GRM3: variants seen among roughly 807,000 people sequenced by gnomAD.
GRM3 encodes the protein glutamate metabotropic receptor 3, also known as metabotropic glutamate receptor 3.
GRM3 carries 26 observed loss-of-function variants against 70.5 expected under a neutral mutation model. That is an observed-to-expected ratio of 0.37 (90% CI 0.27 to 0.51). The LOEUF (loss-of-function observed/expected upper bound fraction) is 0.51. GRM3 is among the 20% of genes least tolerant of loss of function. The pLI, the probability that GRM3 is intolerant of heterozygous loss-of-function variation, is 0.93. For missense variants in GRM3, 859 were observed against 1,123.8 expected, an observed-to-expected ratio of 0.76 and a Z score of 3.37; for synonymous variants, 443 against 434.9, an observed-to-expected ratio of 1.02 and a Z score of -0.23.
intron 1 of GRM3, among the ~76,000 whole-genome samples, chr7:86,686,268 A>G (rs1794565673): frequency 6.6e-6 from 1 of 152,210 alleles, no homozygotes; most frequent in Admixed American, 6.5e-5. Flanking sequence ...GAGCTCAATC[A>G]GAATGAAAGT....
chr7:86,713,476 A>T (rs917422493), intron 1 of GRM3, among the ~76,000 whole-genome samples: 3 of 151,928 alleles, frequency 2.0e-5, no homozygotes, highest in African/African-American at 7.2e-5. Context: ...TCCTGTGCTA[A>T]CAGTTTCCCC....
chr7:86,786,938 C>T lies in GRM3; in HGVS notation c.1146C>T (p.Ser382=). 1 of 1,614,130 alleles carries T rather than the reference C, an allele frequency of 6.2e-7. No individual in the cohort carries two copies. Among genetic ancestry groups the T allele is most frequent in the Non-Finnish European group, 8.5e-7 (1 of 1,179,940 alleles). ...ACAAGCACCTGGCCATCGACAGCAG[C>T]AACTACGAGCAAGAGTCCAAGATCA... is the stretch of plus-strand genomic sequence containing the variant. ...VCDKHLAIDS[S]NYEQESKIMF... is the part of the protein sequence containing the mutation. Residue 382 remains serine (S), a synonymous_variant, in exon 3 of 6, where the codon AGC becomes AGT. Coordinates refer to ENST00000361669, the MANE Select transcript of GRM3 (RefSeq NM_000840.3). This position sits in a 1 kb window ranked among gnomAD's most constrained non-coding sequence, Gnocchi z 6.0.
chr7:86,731,861 T>G (rs1040935702), intron 1 of GRM3, among the ~76,000 whole-genome samples: 1 of 152,220 alleles, frequency 6.6e-6, no homozygotes, highest in South Asian at 2.1e-4. Flanking sequence ...CATCTTAATT[T>G]TTTTTTATCT....
At chr7:86,782,692 G>T (rs1261151452) in intron 2 of GRM3, among the ~76,000 whole-genome samples, 1 of 152,166 alleles carries the variant, frequency 6.6e-6, no homozygotes, top group East Asian at 1.9e-4. Context: ...ATTCTGTGTT[G>T]CTGGTTCTTC....
chr7:86,725,960 T>C (rs1487178575), intron 1 of GRM3, among the ~76,000 whole-genome samples: 1 of 152,138 alleles, frequency 6.6e-6, no homozygotes, highest in Non-Finnish European at 1.5e-5. Context: ...CCTCATGGCC[T>C]AATTACCTCC....
At chr7:86,722,766 A>G (rs191533222) in intron 1 of GRM3, among the ~76,000 whole-genome samples, 2 of 152,238 alleles carry the variant, frequency 1.3e-5, no homozygotes, top group Admixed American at 6.5e-5. Context: ...AAATCCACAT[A>G]TAAGCAAAAA....
chr7:86,807,642 T>G (rs1228519264), intron 3 of GRM3, among the ~76,000 whole-genome samples: 2 of 152,166 alleles, frequency 1.3e-5, no homozygotes, highest in Non-Finnish European at 2.9e-5. Flanking sequence ...AAGGGGATTT[T>G]GGGCTGAGAT....
At chr7:86,777,673 A>G (rs1445639889) in intron 2 of GRM3, among the ~76,000 whole-genome samples, 2 of 152,202 alleles carry the variant, frequency 1.3e-5, no homozygotes, top group Non-Finnish European at 2.9e-5. Context: ...TAATGTGGCC[A>G]AAACAAAACA....
intron 1 of GRM3, among the ~76,000 whole-genome samples, chr7:86,716,169 G>T (rs1213580104): frequency 6.6e-6 from 1 of 151,884 alleles, no homozygotes; most frequent in East Asian, 1.9e-4. Context: ...AAACTCCTAA[G>T]AAAGTCAAGG....
rs141435858 is a variant in GRM3 at position 86,767,330 on chromosome 7, C to T, written c.468+1717C>T. Among the ~76,000 whole-genome samples, 11 of 151,658 alleles carry T rather than the reference C, an allele frequency of 7.3e-5. No individual in the cohort carries two copies. The East Asian group carries it at 1.7e-3, about 24-fold the overall frequency. On this transcript the variant is annotated intron_variant, in intron 2 of 5. Coordinates refer to ENST00000361669, the MANE Select transcript of GRM3 (RefSeq NM_000840.3). ...GAAATTTATTTCCTTCTTCAGATTA[C>T]ACCATCATGTTATGAGTAATTAGGA...
At chr7:86,855,867 T>C (rs548385209) in intron 5 of GRM3, among the ~76,000 whole-genome samples, 67 of 152,270 alleles carry the variant, frequency 4.4e-4, no homozygotes, top group African/African-American at 1.6e-3. Flanking sequence ...TTCTTCTCTA[T>C]AGTTCAGCCC....
At chr7:86,657,551 G>T (rs1793778005) in intron 1 of GRM3, among the ~76,000 whole-genome samples, 1 of 152,172 alleles carries the variant, frequency 6.6e-6, no homozygotes, top group Admixed American at 6.5e-5. Flanking sequence ...GTGTATGGGG[G>T]TCAGGGCAGA....
intron 3 of GRM3, among the ~76,000 whole-genome samples, chr7:86,835,366 A>C (rs1020725732): frequency 4.6e-5 from 7 of 152,154 alleles, no homozygotes; most frequent in African/African-American, 1.7e-4. Flanking sequence ...TAAATTTTTG[A>C]ATATAAAAAG....
chr7:86,820,929 G>A (rs1044092870), intron 3 of GRM3, among the ~76,000 whole-genome samples: 2 of 152,158 alleles, frequency 1.3e-5, no homozygotes, highest in African/African-American at 4.8e-5. Context: ...GAAATGCAAA[G>A]TCACAGGTTC....
chr7:86,677,320 A>G (rs759916027), intron 1 of GRM3, among the ~76,000 whole-genome samples: 15 of 152,004 alleles, frequency 9.9e-5, no homozygotes, highest in Non-Finnish European at 2.1e-4. Flanking sequence ...CTAGATTTCC[A>G]GTTGCCAGCT....
At chr7:86,692,554 T>A (rs1213923850) in intron 1 of GRM3, among the ~76,000 whole-genome samples, 1 of 152,092 alleles carries the variant, frequency 6.6e-6, no homozygotes, top group East Asian at 1.9e-4. Context: ...ACCTGCCACA[T>A]CTCTCTCTCT....
At chr7:86,770,196 T>G (rs1266199997) in intron 2 of GRM3, among the ~76,000 whole-genome samples, 1 of 152,180 alleles carries the variant, frequency 6.6e-6, no homozygotes, top group Non-Finnish European at 1.5e-5. Flanking sequence ...AAATTTTAAT[T>G]AGAACATAGC....
At chr7:86,750,669 A>G (rs1796208917) in intron 1 of GRM3, among the ~76,000 whole-genome samples, 1 of 151,958 alleles carries the variant, frequency 6.6e-6, no homozygotes, top group African/African-American at 2.4e-5. Context: ...GTTTAGAGCA[A>G]TATCTTAAAT....
At chr7:86,652,833 T>C (rs1191374443) in intron 1 of GRM3, among the ~76,000 whole-genome samples, 2 of 152,222 alleles carry the variant, frequency 1.3e-5, no homozygotes, top group African/African-American at 4.8e-5. Flanking sequence ...AGAGCCTGCA[T>C]TAGAATCACT....
Sources: gnomAD v4.1 joint callset for allele counts (sites outside exome capture counted in the v4.1 genomes callset) on GRCh38, gnomAD v4.1.1 for gene constraint, Gnocchi (gnomAD v3.1) non-coding constraint, MANE v1.5 for transcripts, NCBI Gene and HGNC (gene_info 2026-07-23, HGNC 2026-07-21) for gene names.